The following GRIA2 variants were observed in gnomAD, a reference collection of about 807,000 sequenced individuals.
GRIA2 encodes the protein glutamate ionotropic receptor AMPA type subunit 2.
Under a neutral mutation model 97.3 loss-of-function variants are expected in GRIA2, and 14 were observed. The ratio of observed to expected loss-of-function variants is 0.14; its 90% CI spans 0.10 to 0.23. GRIA2 has a LOEUF of 0.23. Among genes scored for constraint, GRIA2 ranks in the 10% least tolerant of loss-of-function variants. The pLI, the probability that GRIA2 is intolerant of heterozygous loss-of-function variation, is 1.00. For missense variants in GRIA2, 558 were observed against 1,069.8 expected (o/e 0.52, Z 6.67); for synonymous variants, 412 against 387.8 (o/e 1.06, Z -0.73).
chr4:157,305,792 T>C (rs1056940229), intron 3 of GRIA2, among the ~76,000 whole-genome samples: 17 of 152,158 alleles, frequency 1.1e-4, no homozygotes, highest in Non-Finnish European at 2.2e-4. Context: ...ATGGGTGATG[T>C]TCATTCTGTC....
chr4:157,312,617 A>G, intron 3 of GRIA2, 62 bp from the exon 4 acceptor site: 1 of 922,740 alleles, frequency 1.1e-6, no homozygotes. Flanking sequence ...TGGCAATTTC[A>G]TAACACAATC....
Position 157,359,859 on chromosome 4 carries a change from T to C in GRIA2, c.2044-37T>C, listed in dbSNP as rs775699150. ...TTTTGTGAGTAATTTTTTAGGGCCA[T>C]CTCTTAATGCTATCTGGCCCCTTAC... is the stretch of plus-strand genomic sequence containing the variant. On this transcript the variant is annotated intron_variant, in intron 12 of 15. Coordinates refer to ENST00000264426, the MANE Select transcript of GRIA2 (RefSeq NM_001083619.3). The C allele has an allele frequency of 4.4e-6, 7 of 1,582,152 alleles. No individual in the cohort carries two copies. In the East Asian group the frequency reaches 1.6e-4, roughly 36 times the overall value.
In GRIA2 at chr4:157,223,158, A is replaced by G. The variant is rs572073670; in HGVS notation, c.229+1351A>G. ...CTCCTCCCCATTTTAAGCTTTAGTC[A>G]TATATTCCGTGATTTAGCTTGATTA... On this transcript the variant is annotated intron_variant, in intron 2 of 15. Coordinates refer to ENST00000264426, the MANE Select transcript of GRIA2 (RefSeq NM_001083619.3). Among the ~76,000 whole-genome samples the G allele has an allele frequency of 5.9e-5, 9 of 152,270 alleles. No individual in the cohort carries two copies. The East Asian group carries it at 1.4e-3, about 23-fold the overall frequency.
intron 2 of GRIA2, among the ~76,000 whole-genome samples, chr4:157,241,888 G>C (rs1034325180): frequency 2.0e-5 from 3 of 152,058 alleles, no homozygotes; most frequent in African/African-American, 7.2e-5. Context: ...TAGAATAAGG[G>C]AAAGAGATGA....
At chr4:157,360,182 T>C (rs771713338) in intron 13 of GRIA2, 39 bp downstream of exon 13, 2 of 1,597,984 alleles carry the variant, frequency 1.3e-6, no homozygotes, top group Non-Finnish European at 1.7e-6. Context: ...AATGTTGTTA[T>C]AGTATCCCAC....
intron 3 of GRIA2, among the ~76,000 whole-genome samples, chr4:157,304,234 C>CTT (rs760130447): frequency 3.3e-5 from 5 of 152,256 alleles, no homozygotes; most frequent in Middle Eastern, 3.4e-3. Context: ...TGCCTTAAAA[C>CTT]AAGATTCCCG....
At chr4:157,276,045 A>C in intron 2 of GRIA2, among the ~76,000 whole-genome samples, 1 of 152,064 alleles carries the variant, frequency 6.6e-6, no homozygotes, top group Non-Finnish European at 1.5e-5. Flanking sequence ...TTCATTGAGC[A>C]GTGGTTTGTA....
intron 2 of GRIA2, among the ~76,000 whole-genome samples, chr4:157,230,684 G>A (rs1234342775): frequency 6.6e-6 from 1 of 150,938 alleles, no homozygotes. Context: ...TGCTTAGTTT[G>A]CATGTCTGTG....
chr4:157,226,635 A>G (rs1404871296), intron 2 of GRIA2, among the ~76,000 whole-genome samples: 1 of 152,080 alleles, frequency 6.6e-6, no homozygotes, highest in Non-Finnish European at 1.5e-5. Flanking sequence ...CTAAGACTTT[A>G]TTGCACTTGG....
At chr4:157,321,813 C>T (rs745668123) in intron 6 of GRIA2, among the ~76,000 whole-genome samples, 6 of 151,956 alleles carry the variant, frequency 3.9e-5, no homozygotes, top group Admixed American at 6.6e-5. Context: ...TTTCTACTTC[C>T]GTACACCTAT....
At chr4:157,345,155 G>T (rs540710474) in intron 12 of GRIA2, among the ~76,000 whole-genome samples, 1 of 151,878 alleles carries the variant, frequency 6.6e-6, no homozygotes, top group Non-Finnish European at 1.5e-5. Context: ...TGTAATTGTT[G>T]GAGAAGTTCA....
rs1358504419 is a variant in GRIA2, at chr4:157,359,904, A to C, written c.2052A>C (p.Lys684Asn). 6.2e-7 allele frequency: 1 copy of C among 1,613,474 alleles called. No individual in the cohort carries two copies. Among genetic ancestry groups the C allele is most frequent in the Non-Finnish European group, 8.5e-7 (1 of 1,179,726 alleles). Residue 684 changes from lysine to asparagine, a missense_variant, in exon 13 of 16, where the codon AAA becomes AAC. By Grantham distance (94) the Lys-to-Asn change is moderately conservative. Transcript: ENST00000264426. ...GSTKEFFRRS[K>N]IAVFDKMWTY... ...CCTTACTTTTCCTGCAGAGATCTAA[A>C]ATTGCAGTGTTTGATAAAATGTGGA...
chr4:157,289,772 T>G (rs1361230202), intron 2 of GRIA2, among the ~76,000 whole-genome samples: 1 of 151,796 alleles, frequency 6.6e-6, no homozygotes, highest in Non-Finnish European at 1.5e-5. Context: ...ACTCTACAAG[T>G]TTATATATTA....
chr4:157,302,144 C>T (rs759890653), intron 2 of GRIA2, among the ~76,000 whole-genome samples: 1 of 149,304 alleles, frequency 6.7e-6, no homozygotes, highest in Non-Finnish European at 1.5e-5. Context: ...CTGCACTGCA[C>T]TCCAGCCTGA....
At position 157,361,559 on chromosome 4, in the gene GRIA2, A is replaced by T. The variant is rs1197966535; in HGVS notation, c.2406+435A>T. On this transcript the variant is annotated intron_variant, in intron 14 of 15. Coordinates refer to ENST00000264426, the MANE Select transcript of GRIA2 (RefSeq NM_001083619.3). This position sits in a 1 kb window ranked among gnomAD's most constrained non-coding sequence, Gnocchi z 5.2. ...GAAGAACCCCAGTAAATCTTGCAGT[A>T]TTGAAACTCAGTGAGCAAGGCGTCT... The T allele has an allele frequency of 6.2e-6, 10 of 1,608,046 alleles. No homozygotes were observed. The highest frequency in any genetic ancestry group is 8.5e-6 in the Non-Finnish European group (10 of 1,174,678).
chr4:157,338,035 TATATATATATATATAC>T (rs1198370709), intron 11 of GRIA2, among the ~76,000 whole-genome samples: 582 of 11,454 alleles, frequency 0.051, 13 homozygotes, highest in Middle Eastern at 0.083. Context: ...TATATATATA[TATATATATATATATAC>T]ACACACATTT....
intron 2 of GRIA2, among the ~76,000 whole-genome samples, chr4:157,284,604 T>A (rs1266686000): frequency 6.6e-6 from 1 of 151,738 alleles, no homozygotes; most frequent in African/African-American, 2.4e-5. Context: ...ATGTAACTCA[T>A]ATCTCATATT....
intron 2 of GRIA2, among the ~76,000 whole-genome samples, chr4:157,248,769 C>T (rs1402605149): frequency 1.3e-3 from 114 of 89,528 alleles, no homozygotes; most frequent in African/African-American, 4.5e-3. Flanking sequence ...GCAGAGAATT[C>T]CTTTCTTTCA....
intron 2 of GRIA2, among the ~76,000 whole-genome samples, chr4:157,277,766 C>T (rs866387572): frequency 1.7e-4 from 25 of 148,492 alleles, no homozygotes; most frequent in African/African-American, 5.7e-4. Flanking sequence ...AAAATACAAC[C>T]CCCCACGAAA....
Sources: gnomAD v4.1 joint callset for allele counts (sites outside exome capture counted in the v4.1 genomes callset) on GRCh38, gnomAD v4.1.1 for gene constraint, Gnocchi (gnomAD v3.1) non-coding constraint, MANE v1.5 for transcripts, NCBI Gene and HGNC (gene_info 2026-07-23, HGNC 2026-07-21) for gene names.